The following STK33 variants were observed in gnomAD, a reference collection of about 807,000 sequenced individuals.
The protein encoded by STK33 is serine/threonine kinase 33, also known as serine/threonine-protein kinase 33.
In STK33, 52 loss-of-function variants were observed where a neutral mutation model predicts 58.0. That is an observed-to-expected ratio of 0.90 (90% CI 0.72 to 1.13). The LOEUF is 1.13. Ranked by LOEUF, STK33 falls within the 50% of genes most tolerant of loss-of-function variation. The probability of loss-of-function intolerance (pLI) is 0.00; values close to 1 mark genes in which losing one functional copy is unlikely to be tolerated. For synonymous variants in STK33, 215 were observed against 200.1 expected (o/e 1.07, Z -0.63); for missense variants, 630 against 604.2 (o/e 1.04, Z -0.45).
chr11:8,507,009 G>A (rs1202775205), intron 1 of STK33, among the ~76,000 whole-genome samples: 1 of 152,056 alleles, frequency 6.6e-6, no homozygotes, highest in Non-Finnish European at 1.5e-5. Context: ...ACTAAATATG[G>A]ATTTATCTTA....
At chr11:8,544,601 A>T (rs1371061800) in intron 1 of STK33, among the ~76,000 whole-genome samples, 3 of 151,934 alleles carry the variant, frequency 2.0e-5, no homozygotes, top group Non-Finnish European at 4.4e-5. Flanking sequence ...ACATATACTC[A>T]TTGTTTTCTA....
rs377228314 is a variant in STK33 at position 8,516,475 on chromosome 11, G to T, written c.-465-35861C>A. On this transcript the variant is annotated intron_variant, in intron 1 of 15. Transcript: ENST00000687296. ...TTTCTGCATTTCCAACTGAGGTACTGGGTTCATCTCACTGGGGCTTGTCAG... is the reference window on the plus strand; with the variant it reads ...TTTCTGCATTTCCAACTGAGGTACTTGGTTCATCTCACTGGGGCTTGTCAG... 2.0e-5 allele frequency among the ~76,000 whole-genome samples: 3 copies of T among 152,326 alleles called. No individual in the cohort carries two copies. The East Asian group carries it at 5.8e-4, about 29-fold the overall frequency.
At chr11:8,412,158 A>G (rs902285389) in intron 15 of STK33, among the ~76,000 whole-genome samples, 13 of 152,214 alleles carry the variant, frequency 8.5e-5, no homozygotes, top group Non-Finnish European at 1.9e-4. Flanking sequence ...ATGTGTATAC[A>G]TGTATATGTG....
chr11:8,504,789 C>A (rs1202007962), intron 1 of STK33, among the ~76,000 whole-genome samples: 1 of 151,898 alleles, frequency 6.6e-6, no homozygotes, highest in Non-Finnish European at 1.5e-5. Flanking sequence ...CAGAGCAAGA[C>A]CCTGTCCCTA....
intron 1 of STK33, among the ~76,000 whole-genome samples, chr11:8,528,817 C>T (rs1954273463): frequency 2.0e-5 from 3 of 152,086 alleles, no homozygotes; most frequent in Non-Finnish European, 2.9e-5. Context: ...CCAAAAAAGG[C>T]GCATGGAAGA....
intron 1 of STK33, among the ~76,000 whole-genome samples, chr11:8,541,119 T>G (rs2140335759): frequency 6.6e-6 from 1 of 152,146 alleles, no homozygotes; most frequent in East Asian, 1.9e-4. Flanking sequence ...ATTAAGGACC[T>G]CTAAAGAATT....
At chr11:8,338,333 A>C in the STK33 span, among the ~76,000 whole-genome samples, 126,683 of 152,200 alleles carry the variant, frequency 0.83, 52,851 homozygotes, top group East Asian at 0.93. Flanking sequence ...GGATCCAGAC[A>C]TTCCCCGGGC....
chr11:8,589,828 C>A (rs1405372189), intron 1 of STK33, among the ~76,000 whole-genome samples: 1 of 151,908 alleles, frequency 6.6e-6, no homozygotes, highest in Non-Finnish European at 1.5e-5. Flanking sequence ...AATTTTATTG[C>A]CATAAACTGA....
At chr11:8,456,851 A>G (rs1222830999) in intron 9 of STK33, among the ~76,000 whole-genome samples, 3 of 152,208 alleles carry the variant, frequency 2.0e-5, no homozygotes, top group Non-Finnish European at 4.4e-5. Flanking sequence ...GGTGACAATG[A>G]TATGTCAATG....
chr11:8,526,658 CTTA>C (rs759249719), intron 1 of STK33, among the ~76,000 whole-genome samples: 5 of 151,884 alleles, frequency 3.3e-5, no homozygotes, highest in Non-Finnish European at 7.4e-5. Context: ...CATTCAATGG[CTTA>C]TTATTCTGCA....
chr11:8,494,062 A>G (rs1023135850), intron 1 of STK33, among the ~76,000 whole-genome samples: 4 of 152,186 alleles, frequency 2.6e-5, no homozygotes, highest in Admixed American at 2.6e-4. Context: ...CTCTCTCACC[A>G]TTCCTATTCA....
intron 1 of STK33, among the ~76,000 whole-genome samples, chr11:8,481,800 T>A (rs1484869950): frequency 1.3e-5 from 2 of 152,218 alleles, no homozygotes; most frequent in African/African-American, 4.8e-5. Flanking sequence ...TAGAAGGATA[T>A]AAACACATAA....
chr11:8,531,350 A>T (rs1954533525), intron 1 of STK33, among the ~76,000 whole-genome samples: 1 of 152,210 alleles, frequency 6.6e-6, no homozygotes, highest in South Asian at 2.1e-4. Context: ...CTGCATAACA[A>T]ACTACCCTAA....
chr11:8,404,827 T>C (rs895179135), intron 15 of STK33, among the ~76,000 whole-genome samples: 47 of 152,362 alleles, frequency 3.1e-4, no homozygotes, highest in Middle Eastern at 3.4e-3. Flanking sequence ...GGATAAATGG[T>C]AAATGAATGC....
At chr11:8,451,117 C>T (rs754635115) in intron 11 of STK33, among the ~76,000 whole-genome samples, 1 of 152,150 alleles carries the variant, frequency 6.6e-6, no homozygotes, top group Non-Finnish European at 1.5e-5. Context: ...CTGGAACCCT[C>T]ACAAATTGCT....
At chr11:8,452,304 C>T (rs1946380751) in intron 11 of STK33, among the ~76,000 whole-genome samples, 1 of 152,054 alleles carries the variant, frequency 6.6e-6, no homozygotes, top group Non-Finnish European at 1.5e-5. Flanking sequence ...ATATAAACAA[C>T]TTTAAGAAGA....
At chr11:8,421,031 A>C (rs1941848907) in intron 14 of STK33, among the ~76,000 whole-genome samples, 1 of 151,416 alleles carries the variant, frequency 6.6e-6, no homozygotes, top group South Asian at 2.1e-4. Context: ...AGTTGTTTTA[A>C]CTTTCATAAT....
At chr11:8,509,301 C>T (rs977699010) in intron 1 of STK33, among the ~76,000 whole-genome samples, 7 of 152,146 alleles carry the variant, frequency 4.6e-5, no homozygotes, top group Admixed American at 3.9e-4. Flanking sequence ...TGACTATAGT[C>T]GACTCCCATT....
chr11:8,587,988 A>G (rs2031984279), intron 1 of STK33, among the ~76,000 whole-genome samples: 2 of 152,202 alleles, frequency 1.3e-5, no homozygotes, highest in African/African-American at 4.8e-5. Context: ...TGAGAAGTCC[A>G]AGACCAGGAC....
Sources: allele counts gnomAD v4.1 joint callset (sites outside exome capture counted in the v4.1 genomes callset), GRCh38; gene constraint gnomAD v4.1.1; transcripts MANE v1.5; gene names NCBI Gene and HGNC (gene_info 2026-07-23, HGNC 2026-07-21).